PLAT: variants seen among roughly 807,000 people sequenced by gnomAD.
PLAT encodes plasminogen activator, tissue type, also known as tissue-type plasminogen activator.
In PLAT, 48 loss-of-function variants were observed where a neutral mutation model predicts 74.9. The observed-to-expected ratio is 0.64, with a 90% CI of 0.51 to 0.82. The LOEUF (loss-of-function observed/expected upper bound fraction) is 0.82. PLAT is among the 40% of genes least tolerant of loss of function. The probability of loss-of-function intolerance (pLI) is 0.00; values close to 1 mark genes in which losing one functional copy is unlikely to be tolerated. For missense variants in PLAT, 673 were observed against 736.2 expected, an observed-to-expected ratio of 0.91 and a Z score of 0.99; for synonymous variants, 307 against 294.4, an observed-to-expected ratio of 1.04 and a Z score of -0.44.
intron 1 of PLAT, among the ~76,000 whole-genome samples, chr8:42,198,095 G>A (rs1466501393): frequency 6.6e-6 from 1 of 152,248 alleles, no homozygotes; most frequent in Non-Finnish European, 1.5e-5. Flanking sequence ...CACTTTGGGA[G>A]GCCAGGGTGG....
At chr8:42,178,038 C>G (rs994158130) in intron 13 of PLAT, among the ~76,000 whole-genome samples, 3 of 152,186 alleles carry the variant, frequency 2.0e-5, no homozygotes, top group African/African-American at 2.4e-5. Context: ...CTCCCATACC[C>G]CAGTATCTGG....
At chr8:42,181,457 C>T (rs1308880710) in intron 9 of PLAT, among the ~76,000 whole-genome samples, 4 of 152,166 alleles carry the variant, frequency 2.6e-5, no homozygotes, top group Non-Finnish European at 4.4e-5. Flanking sequence ...TGAGGGCAGG[C>T]CCTAGCTTTA....
intron 13 of PLAT, among the ~76,000 whole-genome samples, 168 bp from the exon 14 acceptor site, chr8:42,176,319 T>A (rs184615609): frequency 6.6e-6 from 1 of 152,336 alleles, no homozygotes; most frequent in East Asian, 1.9e-4. Context: ...AAAAATCAAT[T>A]CCTGTCTGGG....
intron 1 of PLAT, chr8:42,195,549 A>G (rs1805874801): frequency 6.6e-6 from 1 of 151,978 alleles, no homozygotes; most frequent in Non-Finnish European, 1.5e-5. Context: ...CAGCTGTGCT[A>G]CTCCCTGGCT....
intron 1 of PLAT, among the ~76,000 whole-genome samples, chr8:42,195,403 C>T (rs911348993): frequency 5.9e-5 from 9 of 152,164 alleles, no homozygotes; most frequent in African/African-American, 1.9e-4. Flanking sequence ...GGCTCGCCAG[C>T]GTGGCATCCT....
intron 1 of PLAT, among the ~76,000 whole-genome samples, chr8:42,199,463 C>T (rs1476647428): frequency 6.6e-6 from 1 of 152,164 alleles, no homozygotes; most frequent in African/African-American, 2.4e-5. Flanking sequence ...GAATATTTTC[C>T]TGGCAGACCC....
At chr8:42,186,920 A>G (rs1333981663) in intron 6 of PLAT, 1 of 152,500 alleles carries the variant, frequency 6.6e-6, no homozygotes, top group Non-Finnish European at 1.5e-5. Flanking sequence ...TTAATCATCT[A>G]TCAATCATCT....
intron 1 of PLAT, among the ~76,000 whole-genome samples, chr8:42,200,107 G>A (rs1806070577): frequency 6.6e-6 from 1 of 152,192 alleles, no homozygotes; most frequent in South Asian, 2.1e-4. Context: ...ACACATGGAT[G>A]AATGCCACTC....
Position 42,200,877 on chromosome 8 carries a change from T to C in PLAT, c.-27+6617A>G, listed in dbSNP as rs375601738. Among the ~76,000 whole-genome samples, 6 of 152,074 alleles carry C rather than the reference T, an allele frequency of 3.9e-5. No homozygotes were observed. The East Asian group carries it at 9.6e-4, about 24-fold the overall frequency. ...TGGAGTTTCACTCTGTTGCCCAGGCTGGATTGCAACGGTGCAATCTCAGCT... is the reference window on the plus strand; with the variant it reads ...TGGAGTTTCACTCTGTTGCCCAGGCCGGATTGCAACGGTGCAATCTCAGCT... On this transcript the variant is annotated intron_variant, in intron 1 of 13. Transcript: ENST00000220809.
Position 42,180,496 on chromosome 8 carries a change from T to C in PLAT, c.1079A>G (p.Gln360Arg), listed in dbSNP as rs377384171. ...CWILSAAHCF[Q>R]ERFPPHHLTV... ...TGGGTTTCCGAGCCCCTACCTCTCC[T>C]GGAAGCAGTGGGCGGCAGAGAGAAT... Residue 360 changes from glutamine (Q) to arginine (R), a missense_variant, in exon 10 of 14, where the codon CAG (glutamine) becomes CGG (arginine). Transcript: ENST00000220809. 3 of 1,613,912 alleles carry C rather than the reference T, an allele frequency of 1.9e-6. No individual in the cohort carries two copies. The highest frequency in any genetic ancestry group is 2.7e-5 in the African/African-American group (2 of 74,932).
intron 2 of PLAT, 92 bp from the exon 3 acceptor site, chr8:42,191,506 C>T (rs938509226): frequency 8.4e-5 from 93 of 1,105,568 alleles, no homozygotes; most frequent in Admixed American, 3.9e-4. Flanking sequence ...GTGAACCTGC[C>T]GGCCAGATAC....
Position 42,196,789 on chromosome 8 carries a change from C to T in PLAT, c.-26-3578G>A, listed in dbSNP as rs144806564. Among the ~76,000 whole-genome samples, 157 of 150,966 alleles carry T rather than the reference C, an allele frequency of 1.0e-3. 1 individual carries two copies. Among genetic ancestry groups the T allele is most frequent in the African/African-American group, 3.6e-3 (146 of 40,980 alleles). On this transcript the variant is annotated intron_variant, in intron 1 of 13. Coordinates refer to ENST00000220809, the MANE Select transcript of PLAT (RefSeq NM_000930.5). ...GACTTCTAATTTTGTTCTGTGTTAT[C>T]TCCCTTTTGCTATATTTAGTAGCTT... is the stretch of plus-strand genomic sequence containing the variant.
chr8:42,204,253 G>A (rs1173396476), intron 1 of PLAT, among the ~76,000 whole-genome samples: 2 of 151,708 alleles, frequency 1.3e-5, no homozygotes, highest in South Asian at 2.1e-4. Flanking sequence ...ACTAGGACGA[G>A]GTTTATAGCC....
Position 42,181,987 on chromosome 8 carries a change from A to G in PLAT, c.839T>C (p.Val280Ala). The G allele has an allele frequency of 6.2e-7, 1 of 1,612,568 alleles. No individual in the cohort carries two copies. The highest frequency in any genetic ancestry group is 1.1e-5 in the South Asian group (1 of 91,048). Residue 280 changes from valine to alanine, a missense_variant, in exon 9 of 14, where the codon GTG becomes GCG. Val to Ala is a moderately conservative substitution (Grantham distance 64, BLOSUM62 0). Coordinates refer to ENST00000220809, the MANE Select transcript of PLAT (RefSeq NM_000930.5). ...PDGDAKPWCH[V>A]LKNRRLTWEY... is the part of the protein sequence containing the mutation. ...CCACGTCAGCCTGCGGTTCTTCAGC[A>G]CGTGGCACCAGGGCTTGGCATCCCC...
chr8:42,180,130 G>A (rs1390511891), intron 11 of PLAT, 64 bp from the exon 12 acceptor site: 6 of 1,584,954 alleles, frequency 3.8e-6, no homozygotes, highest in African/African-American at 1.3e-5. Flanking sequence ...GGAGGAACAC[G>A]CAGGAGGGGC....
chr8:42,182,340 A>G (rs551725680), intron 8 of PLAT: 29 of 328,672 alleles, frequency 8.8e-5, no homozygotes, highest in African/African-American at 5.1e-4. Flanking sequence ...CCCCCACCCT[A>G]GGAGAACTTC....
chr8:42,191,465 A>AAG (rs746935756), intron 2 of PLAT, 51 bp from the exon 3 acceptor site: 1 of 1,584,608 alleles, frequency 6.3e-7, no homozygotes, highest in Admixed American at 1.7e-5. Flanking sequence ...CAGGTGTACT[A>AAG]AGAGTAAAGG....
intron 1 of PLAT, among the ~76,000 whole-genome samples, chr8:42,199,079 C>T (rs1050648517): frequency 6.6e-6 from 1 of 152,220 alleles, no homozygotes; most frequent in Non-Finnish European, 1.5e-5. Context: ...AGCCTGGTAG[C>T]TCTCATCCCA....
At chr8:42,181,195 T>A (rs1306433827) in intron 9 of PLAT, among the ~76,000 whole-genome samples, 1 of 152,236 alleles carries the variant, frequency 6.6e-6, no homozygotes. Context: ...TAGCTGGTGG[T>A]CTGTGTCTCA....
Sources: gnomAD v4.1 joint callset for allele counts (sites outside exome capture counted in the v4.1 genomes callset) on GRCh38, gnomAD v4.1.1 for gene constraint, MANE v1.5 for transcripts, NCBI Gene and HGNC (gene_info 2026-07-23, HGNC 2026-07-21) for gene names.